The following TMEM108 variants were observed in gnomAD, a reference collection of about 807,000 sequenced individuals.
TMEM108 encodes transmembrane protein 108, also known as cancer/testis antigen 124.
TMEM108 carries 12 observed loss-of-function variants against 35.1 expected under a neutral mutation model. That is an observed-to-expected ratio of 0.34 (90% CI 0.22 to 0.55). The LOEUF is 0.55. TMEM108 is among the 20% of genes least tolerant of loss of function. The probability of loss-of-function intolerance (pLI) is 0.89; values close to 1 mark genes in which losing one functional copy is unlikely to be tolerated. For synonymous variants in TMEM108, 287 were observed against 308.6 expected (o/e 0.93, Z 0.73); for missense variants, 680 against 753.3 (o/e 0.90, Z 1.14).
At chr3:133,238,315 G>A (rs1179390094) in intron 3 of TMEM108, among the ~76,000 whole-genome samples, 1 of 152,156 alleles carries the variant, frequency 6.6e-6, no homozygotes, top group Non-Finnish European at 1.5e-5. Flanking sequence ...TCGGGAGCTT[G>A]ATTCATAATG....
intron 2 of TMEM108, among the ~76,000 whole-genome samples, chr3:133,094,820 GT>G (rs142963319): frequency 6.6e-6 from 1 of 151,158 alleles, no homozygotes; most frequent in Non-Finnish European, 1.5e-5. Context: ...ACTTTATCTT[GT>G]TTTTTTTTAA....
intron 2 of TMEM108, among the ~76,000 whole-genome samples, chr3:133,212,882 G>GAA (rs35722031): frequency 1.4e-3 from 183 of 127,488 alleles, no homozygotes; most frequent in African/African-American, 3.7e-3. Flanking sequence ...AAAAAAAAAG[G>GAA]AAAAAAAAAA....
At chr3:133,288,988 G>A (rs573536648) in intron 3 of TMEM108, among the ~76,000 whole-genome samples, 118 of 152,096 alleles carry the variant, frequency 7.8e-4, no homozygotes, top group Middle Eastern at 3.4e-3. Flanking sequence ...TGCTTGCCTC[G>A]GCCTCCCAAA....
chr3:133,235,153 A>G (rs538576655), intron 3 of TMEM108, among the ~76,000 whole-genome samples: 19 of 152,312 alleles, frequency 1.2e-4, no homozygotes, highest in East Asian at 3.9e-4. Flanking sequence ...GGAAGAATCA[A>G]TGTCGTGAAA....
At chr3:133,260,915 T>C (rs1248402709) in intron 3 of TMEM108, among the ~76,000 whole-genome samples, 5 of 152,140 alleles carry the variant, frequency 3.3e-5, no homozygotes, top group African/African-American at 1.2e-4. Context: ...TTGGATGATA[T>C]AGAGTGAGAG....
At chr3:133,302,691 A>G (rs913200034) in intron 3 of TMEM108, among the ~76,000 whole-genome samples, 6 of 152,066 alleles carry the variant, frequency 3.9e-5, no homozygotes, top group Non-Finnish European at 2.9e-5. Flanking sequence ...AAGTGCTGGG[A>G]TTACAGGCGT....
intron 2 of TMEM108, among the ~76,000 whole-genome samples, chr3:133,184,531 C>G (rs1161132217): frequency 6.6e-6 from 1 of 152,040 alleles, no homozygotes; most frequent in South Asian, 2.1e-4. Context: ...TTTTTTTTAC[C>G]ATTGCCTTGA....
intron 3 of TMEM108, among the ~76,000 whole-genome samples, chr3:133,288,112 T>G (rs1947010767): frequency 6.6e-6 from 1 of 152,194 alleles, no homozygotes; most frequent in Non-Finnish European, 1.5e-5. Context: ...CGCATGGTCA[T>G]TTATACACCT....
Position 133,381,146 on chromosome 3 carries a change from C to T in TMEM108, c.1435C>T (p.Pro479Ser). Residue 479 changes from proline (P) to serine (S), a missense_variant, in exon 4 of 6, where the codon CCC becomes TCC. Transcript: ENST00000321871. ...CTGGGTGATCCTGGCCATCAGCGTG[C>T]CCATCTCCTCCTGCTGTAAGTGCCG... is the stretch of plus-strand genomic sequence containing the variant. ...IAWVILAISV[P>S]ISSCSVLLTV... 1 of 1,600,764 alleles carries T rather than the reference C, an allele frequency of 6.2e-7. No individual in the cohort carries two copies. The highest frequency in any genetic ancestry group is 1.1e-5 in the South Asian group (1 of 89,590).
At chr3:133,201,613 C>T (rs1034405126) in intron 2 of TMEM108, among the ~76,000 whole-genome samples, 13 of 152,170 alleles carry the variant, frequency 8.5e-5, no homozygotes, top group Admixed American at 7.2e-4. Flanking sequence ...AGCCATATCC[C>T]TGTGAAGGAC....
At chr3:133,054,027 A>G (rs1943436098) in intron 2 of TMEM108, among the ~76,000 whole-genome samples, 1 of 152,158 alleles carries the variant, frequency 6.6e-6, no homozygotes, top group Non-Finnish European at 1.5e-5. Flanking sequence ...TTGCTTTAGT[A>G]AGGGCTATGG....
At chr3:133,332,058 G>C (rs916609594) in intron 3 of TMEM108, among the ~76,000 whole-genome samples, 1 of 147,932 alleles carries the variant, frequency 6.8e-6, no homozygotes, top group African/African-American at 2.5e-5. Context: ...GCACATGTGT[G>C]CTTGTGCGCG....
chr3:133,230,612 A>G (rs1273051665), intron 3 of TMEM108, among the ~76,000 whole-genome samples: 3 of 152,208 alleles, frequency 2.0e-5, no homozygotes, highest in African/African-American at 4.8e-5. Flanking sequence ...AGGATTTTAC[A>G]TACACACATA....
At chr3:133,127,417 T>C (rs1487767753) in intron 2 of TMEM108, among the ~76,000 whole-genome samples, 1 of 152,222 alleles carries the variant, frequency 6.6e-6, no homozygotes, top group African/African-American at 2.4e-5. Context: ...TTGGAAGACC[T>C]GTGTGAGAAC....
At chr3:133,250,262 C>G (rs1448831610) in intron 3 of TMEM108, among the ~76,000 whole-genome samples, 1 of 152,126 alleles carries the variant, frequency 6.6e-6, no homozygotes, top group Non-Finnish European at 1.5e-5. Flanking sequence ...AAGACCAACC[C>G]CTCCTCTTCC....
intron 2 of TMEM108, among the ~76,000 whole-genome samples, chr3:133,085,541 CAG>C (rs1355795607): frequency 1.3e-5 from 2 of 152,102 alleles, no homozygotes; most frequent in Non-Finnish European, 2.9e-5. Context: ...ACTGTGTACT[CAG>C]GGGTTTTCAT....
chr3:133,260,507 A>G (rs1946609039), intron 3 of TMEM108, among the ~76,000 whole-genome samples: 3 of 152,144 alleles, frequency 2.0e-5, no homozygotes, highest in Admixed American at 2.0e-4. Flanking sequence ...TGAAGTAGGG[A>G]CCTGCCTGAG....
chr3:133,353,119 C>T (rs1354034764), intron 3 of TMEM108, among the ~76,000 whole-genome samples: 1 of 152,184 alleles, frequency 6.6e-6, no homozygotes, highest in African/African-American at 2.4e-5. Context: ...TGATCTTGAC[C>T]TTGAAATGTC....
Position 133,275,199 on chromosome 3 carries a change from A to G in TMEM108, c.40+45848A>G, listed in dbSNP as rs190012205. On this transcript the variant is annotated intron_variant, in intron 3 of 5. Transcript: ENST00000321871. ...GTAACTTTCTTATCTAGTTTCCCCAATTGAAAATGGGAGTTTTTTCCTTAG... is the reference window on the plus strand; with the variant it reads ...GTAACTTTCTTATCTAGTTTCCCCAGTTGAAAATGGGAGTTTTTTCCTTAG... Among the ~76,000 whole-genome samples, 285 of 152,256 alleles carry G rather than the reference A, an allele frequency of 1.9e-3. 2 individuals carry two copies. Among genetic ancestry groups the G allele is most frequent in the African/African-American group, 6.5e-3 (271 of 41,548 alleles).
Sources: allele counts gnomAD v4.1 joint callset (sites outside exome capture counted in the v4.1 genomes callset), GRCh38; gene constraint gnomAD v4.1.1; transcripts MANE v1.5; gene names NCBI Gene and HGNC (gene_info 2026-07-23, HGNC 2026-07-21).